The following RUSC2 variants were observed in gnomAD, a reference collection of about 807,000 sequenced individuals.
The protein encoded by RUSC2 is AP-4 complex accessory subunit RUSC2.
Under a neutral mutation model 122.2 loss-of-function variants are expected in RUSC2, and 34 were observed. That is an observed-to-expected ratio of 0.28 (90% CI 0.21 to 0.37). The LOEUF is 0.37. Among genes scored for constraint, RUSC2 ranks in the 10% least tolerant of loss-of-function variants. The pLI is 1.00. For synonymous variants in RUSC2, 784 were observed against 790.0 expected, an observed-to-expected ratio of 0.99 and a Z score of 0.13; for missense variants, 1,747 against 1,952.4, an observed-to-expected ratio of 0.89 and a Z score of 1.98.
At chr9:35,533,767 T>C (rs1305832775) in intron 1 of RUSC2, among the ~76,000 whole-genome samples, 4 of 152,250 alleles carry the variant, frequency 2.6e-5, no homozygotes, top group African/African-American at 9.6e-5. Flanking sequence ...GTTTTCAAGG[T>C]TCATCCATGT....
chr9:35,535,437 AT>A (rs112502492), intron 1 of RUSC2, among the ~76,000 whole-genome samples: 3,805 of 144,384 alleles, frequency 0.026, 113 homozygotes, highest in East Asian at 0.18. Flanking sequence ...TTTTTGATAG[AT>A]TTTTTTTTTT....
intron 1 of RUSC2, among the ~76,000 whole-genome samples, chr9:35,493,321 T>A (rs1188269305): frequency 6.6e-6 from 1 of 152,160 alleles, no homozygotes; most frequent in African/African-American, 2.4e-5. Flanking sequence ...ATCTCATTCT[T>A]TTTTATGGCT....
At chr9:35,549,565 A>AATC (rs1821842365) in intron 2 of RUSC2, among the ~76,000 whole-genome samples, 1 of 152,190 alleles carries the variant, frequency 6.6e-6, no homozygotes, top group African/African-American at 2.4e-5. Context: ...GGGGTATGTA[A>AATC]ATCAGACTGA....
rs1821880792 is a variant in RUSC2, at chr9:35,550,963, G to A, written c.2014+2428G>A. Among the ~76,000 whole-genome samples the A allele has an allele frequency of 2.0e-5, 3 of 152,044 alleles. No individual in the cohort carries two copies. The South Asian group carries it at 6.2e-4, about 32-fold the overall frequency. On this transcript the variant is annotated intron_variant, in intron 2 of 11. Transcript: ENST00000361226. ...GGGTGCCTGTAGTTCCAGCTACATG[G>A]GAGGCTGAGGCAGGAGAATCGCTTG...
chr9:35,548,154 G>A lies in RUSC2; in HGVS notation c.1633G>A (p.Ala545Thr), dbSNP rs1200331282. The change falls in exon 2 of 12, where the codon GCC becomes ACC. Residue 545 changes from alanine (A) to threonine (T), a missense_variant. Physicochemically the swap from Ala to Thr is moderately conservative, Grantham distance 58 (BLOSUM62 0). Coordinates refer to ENST00000361226, the MANE Select transcript of RUSC2 (RefSeq NM_014806.5). This position sits in a 1 kb window ranked among gnomAD's most constrained non-coding sequence, Gnocchi z 4.5. ...GSPPRRVTSF[A>T]ELAKGRKKTG... ...CCCACCCAGGAGGGTCACCTCCTTTGCCGAGCTGGCCAAGGGCCGGAAGAA... is the reference window on the plus strand; with the variant it reads ...CCCACCCAGGAGGGTCACCTCCTTTACCGAGCTGGCCAAGGGCCGGAAGAA... The A allele has an allele frequency of 6.2e-7, 1 of 1,613,304 alleles. No homozygotes were observed. The highest frequency in any genetic ancestry group is 8.5e-7 in the Non-Finnish European group (1 of 1,180,010).
chr9:35,495,019 A>T (rs1820654375), intron 1 of RUSC2, among the ~76,000 whole-genome samples: 1 of 46,460 alleles, frequency 2.2e-5, no homozygotes, highest in African/African-American at 7.9e-5. Flanking sequence ...TACAGTATAT[A>T]TTTTATATAT....
Position 35,561,309 on chromosome 9 carries a change from C to A in RUSC2, c.4478C>A (p.Ser1493Tyr). ...CTGCGCTGCAGCCGTGGCCCCGACT[C>A]TGGCCTGGTGCCCCTGGCCTACGTG... ...DWLRCSRGPD[S>Y]GLVPLAYVTL... The change falls in exon 12 of 12, where the codon TCT (serine) becomes TAT (tyrosine). Residue 1493 changes from serine to tyrosine, a missense_variant. Coordinates refer to ENST00000361226, the MANE Select transcript of RUSC2 (RefSeq NM_014806.5). 6.2e-7 allele frequency: 1 copy of A among 1,614,184 alleles called. No individual in the cohort carries two copies. Among genetic ancestry groups the A allele is most frequent in the Non-Finnish European group, 8.5e-7 (1 of 1,180,018 alleles).
chr9:35,494,899 TATATATA>T (rs1476013735), intron 1 of RUSC2, among the ~76,000 whole-genome samples: 1 of 137,088 alleles, frequency 7.3e-6, no homozygotes, highest in East Asian at 2.0e-4. Flanking sequence ...TCTTGTTTTT[TATATATA>T]ATATATATTA....
rs769689803 is a variant in RUSC2 at position 35,560,360 on chromosome 9, GGAAGAGGAA to G, written c.3729_3737del (p.Glu1244_Glu1246del). ...TGGGTGCCTCAGAAGGTGGAGAAGAGGAAGAGGAAGAAGAGGAGACAGAAGAGGTGGCAG... is the reference window on the plus strand; with the variant it reads ...TGGGTGCCTCAGAAGGTGGAGAAGAGGAAGAGGAGACAGAAGAGGTGGCAG... On this transcript the variant is annotated inframe_deletion, in exon 10 of 12. Transcript: ENST00000361226. 4 of 1,601,814 alleles carry G rather than the reference GGAAGAGGAA, an allele frequency of 2.5e-6. No individual in the cohort carries two copies. The highest frequency in any genetic ancestry group is 4.5e-5 in the East Asian group (2 of 44,848).
chr9:35,524,914 T>A (rs1360580477), intron 1 of RUSC2, among the ~76,000 whole-genome samples: 1 of 149,690 alleles, frequency 6.7e-6, no homozygotes, highest in East Asian at 2.0e-4. Flanking sequence ...GAGCTTGCAG[T>A]AAGCCAAGAT....
chr9:35,493,093 T>C (rs532768559), intron 1 of RUSC2, among the ~76,000 whole-genome samples: 2 of 152,248 alleles, frequency 1.3e-5, no homozygotes, highest in East Asian at 3.9e-4. Flanking sequence ...ATCACCCAGG[T>C]ATTAAACCTG....
At chr9:35,535,436 G>A (rs202188370) in intron 1 of RUSC2, among the ~76,000 whole-genome samples, 1 of 52,624 alleles carries the variant, frequency 1.9e-5, no homozygotes, top group Non-Finnish European at 6.3e-5. Flanking sequence ...CTTTTTGATA[G>A]ATTTTTTTTT....
intron 2 of RUSC2, among the ~76,000 whole-genome samples, chr9:35,554,535 G>A (rs1394976222): frequency 6.6e-6 from 1 of 152,208 alleles, no homozygotes; most frequent in Non-Finnish European, 1.5e-5. Context: ...CTGAAAATGT[G>A]TGTGACTGTG....
At chr9:35,513,136 C>G (rs745749802) in intron 1 of RUSC2, among the ~76,000 whole-genome samples, 8 of 152,174 alleles carry the variant, frequency 5.3e-5, no homozygotes, top group African/African-American at 9.6e-5. Flanking sequence ...ACTGAAAGAG[C>G]AGCCATTCTT....
At chr9:35,521,302 G>C (rs1295212358) in intron 1 of RUSC2, among the ~76,000 whole-genome samples, 1 of 152,134 alleles carries the variant, frequency 6.6e-6, no homozygotes, top group African/African-American at 2.4e-5. Flanking sequence ...AATGGAGAAA[G>C]GTGTATACTT....
chr9:35,547,187 C>A lies in RUSC2; in HGVS notation c.666C>A (p.Gly222=), dbSNP rs771117044. ...GGGGTGGAGCCAGCGATACCTCTGG[C>A]TTTTCCTTTGACCAGGAATGGAAGC... ...GSGGGASDTS[G]FSFDQEWKLS... is the part of the protein sequence containing the mutation. Residue 222 remains glycine, a synonymous_variant, in exon 2 of 12, where the codon GGC becomes GGA. Transcript: ENST00000361226. This position sits in a 1 kb window ranked among gnomAD's most constrained non-coding sequence, Gnocchi z 4.6. The A allele has an allele frequency of 8.1e-6, 13 of 1,614,058 alleles. No homozygotes were observed. Among genetic ancestry groups the A allele is most frequent in the Non-Finnish European group, 9.3e-6 (11 of 1,180,044 alleles).
At chr9:35,559,339 A>T (rs1166701584) in intron 9 of RUSC2, 67 bp downstream of exon 9, 10 of 1,349,232 alleles carry the variant, frequency 7.4e-6, no homozygotes, top group Non-Finnish European at 1.1e-5. Context: ...AGAGGAAGGA[A>T]GAGCTGTCTT....
intron 1 of RUSC2, among the ~76,000 whole-genome samples, chr9:35,514,147 G>A (rs895266639): frequency 4.6e-5 from 7 of 151,904 alleles, no homozygotes; most frequent in African/African-American, 1.7e-4. Flanking sequence ...CAGGGTTCCT[G>A]CCCCATGAAA....
intron 1 of RUSC2, among the ~76,000 whole-genome samples, chr9:35,514,529 C>T (rs935354543): frequency 9.9e-5 from 15 of 152,052 alleles, no homozygotes; most frequent in Non-Finnish European, 1.9e-4. Context: ...GAAGGGAAAC[C>T]AGGTTAGAGG....
Sources: gnomAD v4.1 joint callset for allele counts (sites outside exome capture counted in the v4.1 genomes callset) on GRCh38, gnomAD v4.1.1 for gene constraint, Gnocchi (gnomAD v3.1) non-coding constraint, MANE v1.5 for transcripts, NCBI Gene and HGNC (gene_info 2026-07-23, HGNC 2026-07-21) for gene names.